Variants in RBFOX1 observed in about 807,000 individuals in gnomAD.
The protein encoded by RBFOX1 is RNA binding fox-1 homolog 1, also known as RNA binding protein fox-1 homolog 1.
RBFOX1 carries 8 observed loss-of-function variants against 57.7 expected under a neutral mutation model. The observed-to-expected ratio is 0.14, with a 90% CI of 0.08 to 0.25. The LOEUF (loss-of-function observed/expected upper bound fraction) is 0.25, where lower values mean the gene tolerates loss of function less well. Ranked by LOEUF, RBFOX1 falls within the 10% of genes least tolerant of loss-of-function variation. The probability of loss-of-function intolerance (pLI) is 1.00; values close to 1 mark genes in which losing one functional copy is unlikely to be tolerated. For synonymous variants in RBFOX1, 326 were observed against 222.4 expected (o/e 1.47, Z -4.15); for missense variants, 611 against 548.5 (o/e 1.11, Z -1.14).
intron 3 of RBFOX1, among the ~76,000 whole-genome samples, chr16:5,842,233 CGAT>C (rs2056643302): frequency 1.3e-5 from 2 of 152,042 alleles, no homozygotes; most frequent in South Asian, 4.2e-4. Flanking sequence ...GAGAGAATGG[CGAT>C]GATTTTCCTA....
chr16:7,447,040 A>T (rs201221279), intron 4 of RBFOX1, among the ~76,000 whole-genome samples: 2 of 151,260 alleles, frequency 1.3e-5, no homozygotes, highest in African/African-American at 4.9e-5. Context: ...TCTTGATCTC[A>T]TGACCTTGTG....
At chr16:5,730,981 C>G (rs1276430362) in intron 3 of RBFOX1, among the ~76,000 whole-genome samples, 1 of 148,096 alleles carries the variant, frequency 6.8e-6, no homozygotes, top group Non-Finnish European at 1.5e-5. Context: ...GTTACCGTCA[C>G]TACCATCATC....
intron 4 of RBFOX1, among the ~76,000 whole-genome samples, chr16:7,381,906 C>T (rs2097787422): frequency 6.6e-6 from 1 of 152,148 alleles, no homozygotes; most frequent in Non-Finnish European, 1.5e-5. Flanking sequence ...AACTGTAGTT[C>T]TCCCCACACT....
intron 3 of RBFOX1, among the ~76,000 whole-genome samples, chr16:6,944,597 T>G (rs750569534): frequency 6.6e-6 from 1 of 152,062 alleles, no homozygotes; most frequent in Non-Finnish European, 1.5e-5. Flanking sequence ...GTCTCGTAGA[T>G]CTCAGGTGGA....
intron 3 of RBFOX1, among the ~76,000 whole-genome samples, chr16:6,789,800 G>A (rs1603624076): frequency 1.3e-5 from 2 of 152,074 alleles, no homozygotes; most frequent in East Asian, 3.9e-4. Flanking sequence ...TGATCCTCTT[G>A]TAATTTCTCA....
intron 3 of RBFOX1, among the ~76,000 whole-genome samples, chr16:6,858,128 TAC>T (rs1380057914): frequency 6.6e-6 from 1 of 152,212 alleles, no homozygotes; most frequent in Non-Finnish European, 1.5e-5. Context: ...GTTATTAAAA[TAC>T]AGTTATTAAC....
chr16:6,660,565 C>T (rs1398123793), intron 3 of RBFOX1, among the ~76,000 whole-genome samples: 1 of 152,256 alleles, frequency 6.6e-6, no homozygotes, highest in Non-Finnish European at 1.5e-5. Context: ...GTCTGGGTTT[C>T]AATCCCAGCC....
intron 3 of RBFOX1, among the ~76,000 whole-genome samples, chr16:6,766,295 G>T (rs1467348940): frequency 2.6e-5 from 4 of 151,972 alleles, no homozygotes; most frequent in African/African-American, 7.3e-5. Context: ...AAAAAGTAAA[G>T]AATTTTTCCT....
chr16:7,434,997 C>T (rs2098710979), intron 4 of RBFOX1, among the ~76,000 whole-genome samples: 1 of 152,152 alleles, frequency 6.6e-6, no homozygotes, highest in African/African-American at 2.4e-5. Flanking sequence ...GCCTTGGCCT[C>T]CCAAAGTGCT....
chr16:6,681,161 A>T (rs963036068), intron 3 of RBFOX1, among the ~76,000 whole-genome samples: 13 of 152,134 alleles, frequency 8.5e-5, no homozygotes, highest in African/African-American at 2.9e-4. Flanking sequence ...AAAATACAAA[A>T]ATTAGCCAGG....
chr16:7,543,150 G>A (rs1369794861), intron 5 of RBFOX1, among the ~76,000 whole-genome samples: 3 of 152,096 alleles, frequency 2.0e-5, no homozygotes, highest in Non-Finnish European at 4.4e-5. Context: ...AATCACTCAG[G>A]GTTGGTGTTT....
intron 4 of RBFOX1, among the ~76,000 whole-genome samples, chr16:7,248,398 G>A (rs1413258699): frequency 6.6e-6 from 1 of 152,172 alleles, no homozygotes; most frequent in Non-Finnish European, 1.5e-5. Flanking sequence ...ATACATTTGT[G>A]CAGAATCTTC....
chr16:7,018,121 G>C (rs1188900697), intron 3 of RBFOX1, among the ~76,000 whole-genome samples: 1 of 152,076 alleles, frequency 6.6e-6, no homozygotes, highest in East Asian at 1.9e-4. Flanking sequence ...CTAGGTCTTA[G>C]GAAGGGAAGC....
chr16:5,268,558 C>T (rs1365341905), intron 1 of RBFOX1, among the ~76,000 whole-genome samples: 1 of 152,240 alleles, frequency 6.6e-6, no homozygotes, highest in Non-Finnish European at 1.5e-5. Context: ...ACTTCTTCCT[C>T]CACGATTGGA....
chr16:7,435,884 G>T (rs777118926), intron 4 of RBFOX1, among the ~76,000 whole-genome samples: 15 of 152,188 alleles, frequency 9.9e-5, no homozygotes, highest in Non-Finnish European at 1.9e-4. Flanking sequence ...GTATGTGTGT[G>T]TGTGTTTTCC....
chr16:6,218,419 G>C (rs1309811109), intron 1 of RBFOX1, among the ~76,000 whole-genome samples: 6 of 151,972 alleles, frequency 3.9e-5, no homozygotes, highest in Non-Finnish European at 8.8e-5. Flanking sequence ...AGTGATTCTT[G>C]TGCCTTAGCC....
intron 3 of RBFOX1, among the ~76,000 whole-genome samples, chr16:6,909,773 T>G (rs2071081202): frequency 6.6e-6 from 1 of 152,126 alleles, no homozygotes; most frequent in Admixed American, 6.5e-5. Flanking sequence ...CTCCCGAGTG[T>G]GGTTCTTCCC....
chr16:6,601,351 C>T (rs1465127244), intron 2 of RBFOX1, among the ~76,000 whole-genome samples: 1 of 152,036 alleles, frequency 6.6e-6, no homozygotes, highest in Non-Finnish European at 1.5e-5. Context: ...TTCTTGTCTA[C>T]TTGGTTATAT....
intron 4 of RBFOX1, among the ~76,000 whole-genome samples, chr16:5,957,912 C>T (rs915099640): frequency 1.3e-5 from 2 of 152,094 alleles, no homozygotes; most frequent in Non-Finnish European, 2.9e-5. Context: ...AGGTCTTATT[C>T]CTTCTTTCTG....
Sources: allele counts gnomAD v4.1 joint callset (sites outside exome capture counted in the v4.1 genomes callset), GRCh38; gene constraint gnomAD v4.1.1; transcripts MANE v1.5; gene names NCBI Gene and HGNC (gene_info 2026-07-23, HGNC 2026-07-21).